FREM2: variants seen among roughly 807,000 people sequenced by gnomAD.
The protein encoded by FREM2 is FRAS1-related extracellular matrix protein 2.
In FREM2, 119 loss-of-function variants were observed where a neutral mutation model predicts 219.9. The ratio of observed to expected loss-of-function variants is 0.54; its 90% CI spans 0.47 to 0.63. FREM2 has a LOEUF of 0.63. Among genes scored for constraint, FREM2 ranks in the 30% least tolerant of loss-of-function variants. The pLI, the probability that FREM2 is intolerant of heterozygous loss-of-function variation, is 0.00. For synonymous variants in FREM2, 1,562 were observed against 1,522.8 expected (o/e 1.03, Z -0.60); for missense variants, 4,030 against 3,993.6 (o/e 1.01, Z -0.25).
intron 4 of FREM2, among the ~76,000 whole-genome samples, chr13:38,780,443 C>A (rs907720172): frequency 6.6e-6 from 1 of 152,314 alleles, no homozygotes; most frequent in African/African-American, 2.4e-5. Flanking sequence ...CTTCTATGAT[C>A]GCTTGCCTGC....
At chr13:38,837,551 C>T (rs933709173) in intron 6 of FREM2, among the ~76,000 whole-genome samples, 5 of 152,118 alleles carry the variant, frequency 3.3e-5, no homozygotes, top group African/African-American at 1.2e-4. Flanking sequence ...TTAAAGTCTC[C>T]CACTATTATT....
chr13:38,700,583 A>C (rs2138082602), intron 2 of FREM2, among the ~76,000 whole-genome samples: 1 of 151,948 alleles, frequency 6.6e-6, no homozygotes, highest in South Asian at 2.1e-4. Flanking sequence ...TACCTTCATA[A>C]CATCTCTGTG....
At chr13:38,874,415 A>G in intron 17 of FREM2, 67 bp from the exon 18 acceptor site, 1 of 1,263,002 alleles carries the variant, frequency 7.9e-7, no homozygotes, top group Non-Finnish European at 1.2e-6. Context: ...TAATTTTTGG[A>G]AGGAATCTGT....
intron 2 of FREM2, among the ~76,000 whole-genome samples, chr13:38,752,837 G>C (rs1463064164): frequency 6.6e-6 from 1 of 152,160 alleles, no homozygotes; most frequent in African/African-American, 2.4e-5. Flanking sequence ...GTGCTAAACC[G>C]GTTACTCAAA....
chr13:38,820,438 T>G (rs1875997346), intron 6 of FREM2, among the ~76,000 whole-genome samples: 1 of 152,130 alleles, frequency 6.6e-6, no homozygotes, highest in Non-Finnish European at 1.5e-5. Context: ...AGCAGTTTAC[T>G]AAACATTTAT....
intron 6 of FREM2, among the ~76,000 whole-genome samples, chr13:38,839,544 T>G (rs994091915): frequency 6.6e-6 from 1 of 152,204 alleles, no homozygotes; most frequent in Non-Finnish European, 1.5e-5. Flanking sequence ...CATTTAAGTC[T>G]GCTGAAGCTG....
intron 16 of FREM2, among the ~76,000 whole-genome samples, chr13:38,869,663 A>G (rs1878092543): frequency 6.6e-6 from 1 of 152,240 alleles, no homozygotes; most frequent in Admixed American, 6.5e-5. Context: ...AAATAGCAGG[A>G]AAAGCAAAAT....
rs112522983 is a variant in FREM2, at chr13:38,743,936, G to A, written c.5264-20368G>A. ...TTATATATATGTAAGTACATACAAA[G>A]GTATATATGTTTTATAGAAATAATT... On this transcript the variant is annotated intron_variant, in intron 2 of 23. Transcript: ENST00000280481. Among the ~76,000 whole-genome samples the A allele has an allele frequency of 3.8e-3, 572 of 151,898 alleles. 7 individuals carry two copies. Among genetic ancestry groups the A allele is most frequent in the African/African-American group, 0.013 (545 of 41,412 alleles).
intron 6 of FREM2, among the ~76,000 whole-genome samples, chr13:38,785,759 A>G (rs1307926214): frequency 6.6e-6 from 1 of 152,196 alleles, no homozygotes; most frequent in Non-Finnish European, 1.5e-5. Context: ...TTCTTTTAAA[A>G]AGACCTTTGC....
At chr13:38,732,851 A>G (rs573729790) in intron 2 of FREM2, among the ~76,000 whole-genome samples, 33 of 152,348 alleles carry the variant, frequency 2.2e-4, no homozygotes, top group African/African-American at 7.2e-4. Flanking sequence ...AACCTCTTGC[A>G]GAGCTTAGGA....
chr13:38,740,034 A>G (rs1014677185), intron 2 of FREM2, among the ~76,000 whole-genome samples: 6 of 151,990 alleles, frequency 3.9e-5, no homozygotes, highest in African/African-American at 1.4e-4. Flanking sequence ...AATAAATACA[A>G]CCATTTGAAA....
intron 6 of FREM2, among the ~76,000 whole-genome samples, chr13:38,803,431 A>G (rs1322213502): frequency 6.6e-6 from 1 of 152,118 alleles, no homozygotes; most frequent in Admixed American, 6.6e-5. Flanking sequence ...AAATTTTTGT[A>G]CTGCAGCATG....
At chr13:38,858,290 T>C (rs1390543974) in intron 13 of FREM2, among the ~76,000 whole-genome samples, 1 of 152,150 alleles carries the variant, frequency 6.6e-6, no homozygotes, top group African/African-American at 2.4e-5. Context: ...AAATAAGATA[T>C]GAAGTCTGCA....
intron 2 of FREM2, among the ~76,000 whole-genome samples, chr13:38,752,541 C>T (rs1196027361): frequency 6.6e-6 from 1 of 152,102 alleles, no homozygotes; most frequent in Non-Finnish European, 1.5e-5. Flanking sequence ...CTTCTCCCAC[C>T]CCACTCTAAT....
intron 6 of FREM2, among the ~76,000 whole-genome samples, chr13:38,789,019 T>C (rs1430846741): frequency 2.0e-5 from 3 of 152,108 alleles, no homozygotes; most frequent in Non-Finnish European, 4.4e-5. Flanking sequence ...CATGATGTAA[T>C]TTTATAAATT....
Position 38,834,111 on chromosome 13 carries a change from T to C in FREM2, c.6020-12462T>C, listed in dbSNP as rs902293369. Among the ~76,000 whole-genome samples the C allele has an allele frequency of 2.6e-5, 4 of 152,140 alleles. No homozygotes were observed. In the East Asian group the frequency reaches 5.8e-4, roughly 22 times the overall value. Reference sequence around the variant, plus strand: ...GTATACATGTGCTGTGGTGGTTTGCTGCACCCATCAACCCATCATCTACAT... The same window carrying C: ...GTATACATGTGCTGTGGTGGTTTGCCGCACCCATCAACCCATCATCTACAT... On this transcript the variant is annotated intron_variant, in intron 6 of 23. Transcript: ENST00000280481.
chr13:38,766,838 A>G (rs1873455949), intron 3 of FREM2, among the ~76,000 whole-genome samples: 2 of 152,208 alleles, frequency 1.3e-5, no homozygotes, highest in Admixed American at 1.3e-4. Flanking sequence ...TATCTCTTTT[A>G]TACCTTACAT....
chr13:38,688,048 A>T lies in FREM2; in HGVS notation c.704A>T (p.His235Leu). The change falls in exon 1 of 24, where the codon CAC becomes CTC. Residue 235 changes from histidine to leucine, a missense_variant. This residue lies in a region of FREM2 where 3,102 missense variants were observed against 2,950.7 expected (regional missense o/e 1.05). Transcript: ENST00000280481. ...GALPRYGELL[H>L]YPQVPGGARE... ...CTGCCTCGCTATGGAGAACTCCTCC[A>T]CTACCCGCAGGTCCCTGGAGGAGCC... 6.2e-7 allele frequency: 1 copy of T among 1,608,856 alleles called. No homozygotes were observed.
Position 38,833,995 on chromosome 13 carries a change from C to T in FREM2, c.6020-12578C>T, listed in dbSNP as rs187913262. ...AACAGGAGAGGAAAAAATTTCAAAG[C>T]TACCAAAAAGAAATGGCAAATTACC... is the stretch of plus-strand genomic sequence containing the variant. On this transcript the variant is annotated intron_variant, in intron 6 of 23. Coordinates refer to ENST00000280481, the MANE Select transcript of FREM2 (RefSeq NM_207361.6). 1.7e-4 allele frequency among the ~76,000 whole-genome samples: 26 copies of T among 152,164 alleles called. No individual in the cohort carries two copies. The East Asian group carries it at 5.0e-3, about 29-fold the overall frequency.
Sources: allele counts gnomAD v4.1 joint callset (sites outside exome capture counted in the v4.1 genomes callset), GRCh38; gene constraint gnomAD v4.1.1; regional missense constraint gnomAD v4.1.1; transcripts MANE v1.5; gene names NCBI Gene and HGNC (gene_info 2026-07-23, HGNC 2026-07-21).